GDF7: variants seen among roughly 807,000 people sequenced by gnomAD.
GDF7 encodes the protein growth/differentiation factor 7.
Under a neutral mutation model 13.4 loss-of-function variants are expected in GDF7, and 12 were observed. The observed-to-expected ratio is 0.90, with a 90% CI of 0.57 to 1.45. The LOEUF (loss-of-function observed/expected upper bound fraction) is 1.45. GDF7 is among the 40% of genes most tolerant of loss of function. GDF7 has a pLI of 0.00. For missense variants in GDF7, 651 were observed against 652.4 expected, an observed-to-expected ratio of 1.00 and a Z score of 0.02; for synonymous variants, 330 against 306.4, an observed-to-expected ratio of 1.08 and a Z score of -0.80.
In GDF7 at chr2:20,671,127, A is replaced by G. The variant is rs367794645; in HGVS notation, c.1055A>G (p.Lys352Arg). ...GRRGRSRCSR[K>R]PLHVDFKELG... ...AGGGGCCGGAGCCGCTGCAGCCGCA[A>G]GCCGTTGCACGTGGACTTCAAGGAG... The change falls in exon 2 of 2, where the codon AAG becomes AGG. Residue 352 changes from lysine to arginine, a missense_variant. Coordinates refer to ENST00000272224, the MANE Select transcript of GDF7 (RefSeq NM_182828.4). 1.3e-4 allele frequency: 213 copies of G among 1,610,176 alleles called. 3 individuals are homozygous for G. In the South Asian group the frequency reaches 2.1e-3, roughly 16 times the overall value.
In GDF7 at chr2:20,671,018, G is replaced by A. The variant is rs369980607; in HGVS notation, c.946G>A (p.Gly316Ser). The A allele has an allele frequency of 9.0e-4, 1,379 of 1,534,988 alleles. 13 individuals carry two copies. The African/African-American group carries it at 0.017, about 19-fold the overall frequency. The change falls in exon 2 of 2, where the codon GGC (glycine) becomes AGC (serine). Residue 316 changes from glycine (G) to serine (S), a missense_variant. Gly to Ser is a moderately conservative substitution (Grantham distance 56). Coordinates refer to ENST00000272224, the MANE Select transcript of GDF7 (RefSeq NM_182828.4). The stretch of plus-strand genomic sequence containing the variant: ...CGCGTCGCCAAGGGCAGTCATTGGC[G>A]GCCGCAGACGGAGGAGGACGGCGTT... The part of the protein sequence containing the change: ...GTASPRAVIG[G>S]RRRRRTALAG...
In GDF7 at chr2:20,670,590, G is replaced by A. The variant is rs1316928025; in HGVS notation, c.518G>A (p.Ser173Asn). The change falls in exon 2 of 2, where the codon AGC becomes AAC. Residue 173 changes from serine (S) to asparagine (N), a missense_variant. Ser to Asn is a conservative substitution (Grantham distance 46, BLOSUM62 1). This residue lies in a region of GDF7 where 487 missense variants were observed against 445.9 expected (regional missense o/e 1.09). Coordinates refer to ENST00000272224, the MANE Select transcript of GDF7 (RefSeq NM_182828.4). ...RRGSPESGPG[S>N]WTSPPLLLLS... ...GGATCTCCAGAGTCGGGCCCAGGCA[G>A]CTGGACTTCTCCGCCGTTGCTGCTG... 1 of 1,600,112 alleles carries A rather than the reference G, an allele frequency of 6.2e-7. No homozygotes were observed. Among genetic ancestry groups the A allele is most frequent in the East Asian group, 2.3e-5 (1 of 44,108 alleles).
In GDF7 at chr2:20,670,759, G is replaced by A; in HGVS notation, c.687G>A (p.Ala229=). Reference sequence around the variant, plus strand: ...GTCGTGAACCGCGCCCCCCCCGCGCGTTCTGCCTCTTGCTGCGCGCAGTGG... The same window carrying A: ...GTCGTGAACCGCGCCCCCCCCGCGCATTCTGCCTCTTGCTGCGCGCAGTGG... ...RHRREPRPPR[A]FCLLLRAVAG... is the part of the protein sequence containing the mutation. Residue 229 remains alanine (A), a synonymous_variant, in exon 2 of 2, where the codon GCG becomes GCA. Coordinates refer to ENST00000272224, the MANE Select transcript of GDF7 (RefSeq NM_182828.4). 2 of 1,488,682 alleles carry A rather than the reference G, an allele frequency of 1.3e-6. No individual in the cohort carries two copies. Among genetic ancestry groups the A allele is most frequent in the Non-Finnish European group, 8.9e-7 (1 of 1,125,294 alleles). 92.2% of individuals were successfully genotyped at this position (1,488,682 alleles called of 1,614,324 possible). A position where few individuals can be genotyped will look rare whatever the true frequency, so the allele number is the denominator to read the frequency against.
chr2:20,670,294 G>C (rs1404677638), intron 1 of GDF7, among the ~76,000 whole-genome samples, 170 bp from the exon 2 acceptor site: 1 of 152,260 alleles, frequency 6.6e-6, no homozygotes, highest in African/African-American at 2.4e-5. Flanking sequence ...GGGCCAGGCT[G>C]GCAGCGTTCA....
rs1695993118 is a variant in GDF7, at chr2:20,667,748, G to C, written c.391+118G>C. 12 of 738,374 alleles carry C rather than the reference G, an allele frequency of 1.6e-5. No homozygotes were observed. The South Asian group carries it at 4.9e-4, about 30-fold the overall frequency. 45.7% of individuals were successfully genotyped at this position (738,374 alleles called of 1,614,324 possible). A position where few individuals can be genotyped will look rare whatever the true frequency, so the allele number is the denominator to read the frequency against. Reference sequence around the variant, plus strand: ...CGCGGCCCCATGCGGCCCACCCTCAGGTGATAGAAAGAAACTTCGCCGAGG... The same window carrying C: ...CGCGGCCCCATGCGGCCCACCCTCACGTGATAGAAAGAAACTTCGCCGAGG... On this transcript the variant is annotated intron_variant, in intron 1 of 1. Coordinates refer to ENST00000272224, the MANE Select transcript of GDF7 (RefSeq NM_182828.4). The surrounding 1 kb of genome is among the most constrained non-coding windows in gnomAD (Gnocchi z 6.4).
intron 1 of GDF7, among the ~76,000 whole-genome samples, chr2:20,670,023 T>C (rs1176777917): frequency 6.6e-6 from 1 of 152,160 alleles, no homozygotes; most frequent in Non-Finnish European, 1.5e-5. Flanking sequence ...ATAAGTCTCC[T>C]TAAGGCCCAG....
Position 20,672,536 on chromosome 2 carries a change from G to C in GDF7, c.*1111G>C, listed in dbSNP as rs1662150186. ...GACTCGGGCTTGTGCTAGTTATCAA[G>C]TAAGTCGGCCTCCGCTTTTTACCTG... On this transcript the variant is annotated 3_prime_UTR_variant, in exon 2 of 2. Transcript: ENST00000272224. The C allele has an allele frequency of 6.6e-6, 1 of 152,288 alleles. No individual in the cohort carries two copies. 9.4% of individuals were successfully genotyped at this position (152,288 alleles called of 1,614,324 possible). A position where few individuals can be genotyped will look rare whatever the true frequency, so the allele number is the denominator to read the frequency against.
chr2:20,671,804 A>G lies in GDF7; in HGVS notation c.*379A>G, dbSNP rs1359787493. 1 of 255,016 alleles carries G rather than the reference A, an allele frequency of 3.9e-6. No homozygotes were observed. The highest frequency in any genetic ancestry group is 7.7e-6 in the Non-Finnish European group (1 of 130,360). The allele number at this position is 255,016 out of a possible 1,614,324, so 15.8% of individuals were successfully genotyped here. A position where few individuals can be genotyped will look rare whatever the true frequency, so the allele number is the denominator to read the frequency against. The stretch of plus-strand genomic sequence containing the variant: ...AAATTCGAAGTTCCAGAATGGGAGA[A>G]CCAAAGGGGTACTCGAGCATGCTTT... On this transcript the variant is annotated 3_prime_UTR_variant, in exon 2 of 2. Transcript: ENST00000272224.
chr2:20,667,638 C>G lies in GDF7; in HGVS notation c.391+8C>G, dbSNP rs913611061. On this transcript the variant is annotated splice_region_variant and intron_variant, in intron 1 of 1. Transcript: ENST00000272224. The surrounding 1 kb of genome is among the most constrained non-coding windows in gnomAD (Gnocchi z 6.4). ...CAGACCAGGCGACCCAAGGTACTTA[C>G]GCCTCTTCTGTGCCCGCCCATCCCG... The G allele has an allele frequency of 1.4e-6, 2 of 1,457,926 alleles. No individual in the cohort carries two copies. The highest frequency in any genetic ancestry group is 2.8e-5 in the East Asian group (1 of 36,160). The allele number at this position is 1,457,926 out of a possible 1,614,324, so 90.3% of individuals were successfully genotyped here. A position where few individuals can be genotyped will look rare whatever the true frequency, so the allele number is the denominator to read the frequency against.
chr2:20,667,454 CCGCGCGCCGCGCCGCG>C lies in GDF7; in HGVS notation c.216_231del (p.Arg74ProfsTer14). 8.7e-7 allele frequency: 1 copy of C among 1,148,412 alleles called. No individual in the cohort carries two copies. Among genetic ancestry groups the C allele is most frequent in the Non-Finnish European group, 1.1e-6 (1 of 927,066 alleles). The allele number at this position is 1,148,412 out of a possible 1,614,324, so 71.1% of individuals were successfully genotyped here. The stretch of plus-strand genomic sequence containing the variant: ...GCCGCCGCGGTTCCCCGGGCCCGCG[CCGCGCGCCGCGCCGCG>C]GGCTCCGGCTTCAGGAACGGCTCGG... On this transcript the variant is annotated frameshift_variant, in exon 1 of 2. Coordinates refer to ENST00000272224, the MANE Select transcript of GDF7 (RefSeq NM_182828.4). LOFTEE classifies it high-confidence loss of function. The surrounding 1 kb of genome is among the most constrained non-coding windows in gnomAD (Gnocchi z 6.4).
At chr2:20,668,181 A>G (rs1427505914) in intron 1 of GDF7, among the ~76,000 whole-genome samples, 1 of 152,160 alleles carries the variant, frequency 6.6e-6, no homozygotes, top group Non-Finnish European at 1.5e-5. Context: ...ATAACCAGGT[A>G]TGAGGAGTGC....
rs1484813461 is a variant in GDF7, at chr2:20,667,322, T to A, written c.83T>A (p.Val28Glu). The A allele has an allele frequency of 1.8e-6, 2 of 1,090,788 alleles. No homozygotes were observed. 67.6% of individuals were successfully genotyped at this position (1,090,788 alleles called of 1,614,324 possible). Reference protein sequence around the residue: ...RPRDGLEAAAVLRAAGAGPVR... With the variant: ...RPRDGLEAAAELRAAGAGPVR... ...CGCGACGGGCTGGAAGCGGCCGCCG[T>A]GCTGCGAGCGGCGGGGGCTGGGCCG... The change falls in exon 1 of 2, where the codon GTG (valine) becomes GAG (glutamate). Residue 28 changes from valine to glutamate, a missense_variant. This residue lies in a region of GDF7 where 61 missense variants were observed against 50.5 expected (regional missense o/e 1.21). Transcript: ENST00000272224. This position sits in a 1 kb window ranked among gnomAD's most constrained non-coding sequence, Gnocchi z 6.4.
rs867812103 is a variant in GDF7 at position 20,667,666 on chromosome 2, A to G, written c.391+36A>G. Reference sequence around the variant, plus strand: ...CTCTTCTGTGCCCGCCCATCCCGTCAGGTCCTGGGCTGAGACCAGCCCCGG... The same window carrying G: ...CTCTTCTGTGCCCGCCCATCCCGTCGGGTCCTGGGCTGAGACCAGCCCCGG... On this transcript the variant is annotated intron_variant, in intron 1 of 1. Transcript: ENST00000272224. This position sits in a 1 kb window ranked among gnomAD's most constrained non-coding sequence, Gnocchi z 6.4. 1.5e-6 allele frequency: 2 copies of G among 1,365,796 alleles called. No individual in the cohort carries two copies. The highest frequency in any genetic ancestry group is 3.0e-5 in the East Asian group (1 of 33,658). The allele number at this position is 1,365,796 out of a possible 1,614,324, so 84.6% of individuals were successfully genotyped here.
rs1212769903 is a variant in GDF7 at position 20,676,428 on chromosome 2, T to C, written c.*5003T>C. ...AGCTGTCTTCCTCCCTCTGTGCTGT[T>C]CTGGACTTTAATCTGTGTGCACAGC... is the stretch of plus-strand genomic sequence containing the variant. On this transcript the variant is annotated 3_prime_UTR_variant, in exon 2 of 2. Transcript: ENST00000272224. The C allele has an allele frequency of 3.3e-5, 5 of 152,256 alleles. No homozygotes were observed. Among genetic ancestry groups the C allele is most frequent in the Non-Finnish European group, 5.9e-5 (4 of 68,044 alleles). The allele number at this position is 152,256 out of a possible 1,614,324, so 9.4% of individuals were successfully genotyped here.
rs972245357 is a variant in GDF7 at position 20,667,644 on chromosome 2, T to G, written c.391+14T>G. On this transcript the variant is annotated intron_variant, in intron 1 of 1. Coordinates refer to ENST00000272224, the MANE Select transcript of GDF7 (RefSeq NM_182828.4). This position sits in a 1 kb window ranked among gnomAD's most constrained non-coding sequence, Gnocchi z 6.4. Reference sequence around the variant, plus strand: ...AGGCGACCCAAGGTACTTACGCCTCTTCTGTGCCCGCCCATCCCGTCAGGT... The same window carrying G: ...AGGCGACCCAAGGTACTTACGCCTCGTCTGTGCCCGCCCATCCCGTCAGGT... The G allele has an allele frequency of 1.4e-6, 2 of 1,427,176 alleles. No homozygotes were observed. The highest frequency in any genetic ancestry group is 1.8e-6 in the Non-Finnish European group (2 of 1,093,116). 88.4% of individuals were successfully genotyped at this position (1,427,176 alleles called of 1,614,324 possible). A position where few individuals can be genotyped will look rare whatever the true frequency, so the allele number is the denominator to read the frequency against.
In GDF7 at chr2:20,671,519, C is replaced by T; in HGVS notation, c.*94C>T. On this transcript the variant is annotated 3_prime_UTR_variant, in exon 2 of 2. Transcript: ENST00000272224. ...CTGTCACCGAGCGTGGGTGCATGTC[C>T]GATGTGACCCAGCACCCTCTCAGAG... The T allele has an allele frequency of 7.5e-7, 1 of 1,328,694 alleles. No homozygotes were observed. The highest frequency in any genetic ancestry group is 1.0e-6 in the Non-Finnish European group (1 of 966,578). The allele number at this position is 1,328,694 out of a possible 1,614,324, so 82.3% of individuals were successfully genotyped here. A position where few individuals can be genotyped will look rare whatever the true frequency, so the allele number is the denominator to read the frequency against.
chr2:20,670,403 A>T, intron 1 of GDF7, 61 bp from the exon 2 acceptor site: 2 of 1,439,808 alleles, frequency 1.4e-6, no homozygotes, highest in Non-Finnish European at 1.8e-6. Context: ...CCCCGCGCTG[A>T]CAGTGTGCAG....
In GDF7 at chr2:20,672,376, A is replaced by G. The variant is rs1662146181; in HGVS notation, c.*951A>G. The G allele has an allele frequency of 6.6e-6, 1 of 152,132 alleles. No homozygotes were observed. Among genetic ancestry groups the G allele is most frequent in the Non-Finnish European group, 1.5e-5 (1 of 68,062 alleles). 9.4% of individuals were successfully genotyped at this position (152,132 alleles called of 1,614,324 possible). A position where few individuals can be genotyped will look rare whatever the true frequency, so the allele number is the denominator to read the frequency against. On this transcript the variant is annotated 3_prime_UTR_variant, in exon 2 of 2. Transcript: ENST00000272224. ...GGGGAGGGGAGCTACTGCTTTTCCT[A>G]GAGACCTGCCAGGAGGTTTTCCTAA...
In GDF7 at chr2:20,676,646, G is replaced by A. The variant is rs921584838; in HGVS notation, c.*5221G>A. ...GCCGCGTGAGCTCTGATCATCATTAGGGGTGCTGTCTGCCCATGACCTGCA... is the reference window on the plus strand; with the variant it reads ...GCCGCGTGAGCTCTGATCATCATTAAGGGTGCTGTCTGCCCATGACCTGCA... On this transcript the variant is annotated 3_prime_UTR_variant, in exon 2 of 2. Coordinates refer to ENST00000272224, the MANE Select transcript of GDF7 (RefSeq NM_182828.4). 1 of 152,276 alleles carries A rather than the reference G, an allele frequency of 6.6e-6. No individual in the cohort carries two copies. The highest frequency in any genetic ancestry group is 1.5e-5 in the Non-Finnish European group (1 of 68,072). 9.4% of individuals were successfully genotyped at this position (152,276 alleles called of 1,614,324 possible).
Sources: allele counts gnomAD v4.1 joint callset (sites outside exome capture counted in the v4.1 genomes callset), GRCh38; gene constraint gnomAD v4.1.1; regional missense constraint gnomAD v4.1.1; non-coding constraint Gnocchi (gnomAD v3.1); transcripts MANE v1.5; gene names NCBI Gene and HGNC (gene_info 2026-07-23, HGNC 2026-07-21).